Variants in SLC38A6 observed in about 807,000 individuals in gnomAD.
SLC38A6 encodes the protein solute carrier family 38 member 6, also known as N system amino acid transporter NAT-1.
Under a neutral mutation model 65.0 loss-of-function variants are expected in SLC38A6, and 73 were observed. That is an observed-to-expected ratio of 1.12 (90% CI 0.93 to 1.37). SLC38A6 has a LOEUF of 1.37. Among genes scored for constraint, SLC38A6 ranks in the 40% most tolerant of loss-of-function variants. SLC38A6 has a pLI of 0.00. For synonymous variants in SLC38A6, 183 were observed against 178.8 expected (o/e 1.02, Z -0.19); for missense variants, 561 against 531.1 (o/e 1.06, Z -0.55).
At chr14:61,017,627 T>C (rs2040099174) in intron 4 of SLC38A6, among the ~76,000 whole-genome samples, 1 of 152,236 alleles carries the variant, frequency 6.6e-6, no homozygotes, top group Admixed American at 6.5e-5. Flanking sequence ...ACTCTAAGTA[T>C]CAACACTGAC....
chr14:61,062,623 T>G (rs2042890065), intron 15 of SLC38A6, among the ~76,000 whole-genome samples: 1 of 152,088 alleles, frequency 6.6e-6, no homozygotes, highest in African/African-American at 2.4e-5. Flanking sequence ...CACCATTTGT[T>G]AATTGTTTTC....
chr14:60,995,793 G>T (rs575370349), intron 3 of SLC38A6, among the ~76,000 whole-genome samples: 1 of 152,138 alleles, frequency 6.6e-6, no homozygotes, highest in South Asian at 2.1e-4. Context: ...GCTACATACT[G>T]TATGATTCCA....
chr14:61,060,994 C>T (rs987315246), intron 15 of SLC38A6, among the ~76,000 whole-genome samples: 6 of 151,554 alleles, frequency 4.0e-5, no homozygotes, highest in African/African-American at 1.2e-4. Context: ...GCACGGTGCG[C>T]GCACACACTG....
intron 15 of SLC38A6, among the ~76,000 whole-genome samples, chr14:61,062,665 T>C (rs1020356660): frequency 6.6e-6 from 1 of 152,018 alleles, no homozygotes; most frequent in Non-Finnish European, 1.5e-5. Flanking sequence ...TCTTTTTAGA[T>C]TTTATATTTC....
intron 15 of SLC38A6, among the ~76,000 whole-genome samples, chr14:61,070,301 G>A (rs1005603894): frequency 6.6e-6 from 1 of 152,196 alleles, no homozygotes; most frequent in Non-Finnish European, 1.5e-5. Context: ...AAGGAATCAT[G>A]TAGTATTTTG....
chr14:61,047,877 T>A (rs552001626), intron 12 of SLC38A6, among the ~76,000 whole-genome samples: 1 of 151,848 alleles, frequency 6.6e-6, no homozygotes, highest in Non-Finnish European at 1.5e-5. Context: ...TCTAAGAAAA[T>A]CACATGGTAG....
chr14:60,997,802 G>T (rs2038401059), intron 3 of SLC38A6, among the ~76,000 whole-genome samples: 1 of 152,162 alleles, frequency 6.6e-6, no homozygotes, highest in African/African-American at 2.4e-5. Context: ...TATCTCCCAG[G>T]TTTCCGGCTT....
At position 61,037,627 on chromosome 14, in the gene SLC38A6, T is replaced by A; in HGVS notation, c.568T>A (p.Phe190Ile). ...TTTATTTTACTGTTATTTTACAGGC[T>A]TTCTTGGCTACACAAGTAGTTTATC... Reference protein sequence around the residue: ...FPLALLPKIGFLGYTSSLSFF... With the variant: ...FPLALLPKIGILGYTSSLSFF... The change falls in exon 8 of 16, where the codon TTT (phenylalanine) becomes ATT (isoleucine). Residue 190 changes from phenylalanine to isoleucine, a missense_variant and splice_region_variant. Coordinates refer to ENST00000267488, the MANE Select transcript of SLC38A6 (RefSeq NM_153811.3). 1 of 1,589,570 alleles carries A rather than the reference T, an allele frequency of 6.3e-7. No homozygotes were observed. Among genetic ancestry groups the A allele is most frequent in the Admixed American group, 1.7e-5 (1 of 57,666 alleles).
At chr14:61,003,444 CT>C (rs1025580365) in intron 3 of SLC38A6, among the ~76,000 whole-genome samples, 5 of 152,120 alleles carry the variant, frequency 3.3e-5, no homozygotes, top group African/African-American at 9.7e-5. Flanking sequence ...ACAATACCCC[CT>C]GAGTATCTTT....
intron 10 of SLC38A6, among the ~76,000 whole-genome samples, chr14:61,043,755 C>G (rs1219132000): frequency 6.8e-6 from 1 of 146,482 alleles, no homozygotes; most frequent in African/African-American, 2.6e-5. Flanking sequence ...TTAAATGGGC[C>G]TCTGCCTGAA....
intron 3 of SLC38A6, among the ~76,000 whole-genome samples, chr14:61,007,221 C>T (rs1225127666): frequency 1.3e-5 from 2 of 151,944 alleles, no homozygotes; most frequent in East Asian, 3.9e-4. Flanking sequence ...ATACCTAATG[C>T]TAAATGACGA....
intron 6 of SLC38A6, 101 bp from the exon 7 acceptor site, chr14:61,036,958 C>CTG (rs1370806635): frequency 5.8e-5 from 22 of 378,002 alleles, no homozygotes; most frequent in African/African-American, 3.6e-4. Flanking sequence ...ATGGTTATAA[C>CTG]TCTGTGTGTG....
intron 8 of SLC38A6, among the ~76,000 whole-genome samples, chr14:61,040,687 G>A (rs544892307): frequency 6.6e-6 from 1 of 152,078 alleles, no homozygotes; most frequent in South Asian, 2.1e-4. Context: ...CCATTATGTT[G>A]CCCAGGCTAG....
At chr14:61,081,786 AT>A (rs948824731) in intron 16 of SLC38A6, among the ~76,000 whole-genome samples, 67 of 152,316 alleles carry the variant, frequency 4.4e-4, no homozygotes, top group African/African-American at 1.6e-3. Context: ...GGAAGGCTTT[AT>A]TATTTCTCTT....
At chr14:60,981,690 T>C (rs1431027328) in intron 1 of SLC38A6, 2 of 1,361,478 alleles carry the variant, frequency 1.5e-6, no homozygotes, top group Non-Finnish European at 1.9e-6. Flanking sequence ...TCACTGCTGT[T>C]AGTTAGTATT....
At chr14:61,024,265 A>G (rs2040495802) in intron 5 of SLC38A6, among the ~76,000 whole-genome samples, 1 of 152,236 alleles carries the variant, frequency 6.6e-6, no homozygotes. Context: ...TAACACTCTT[A>G]TTCTAAGGTT....
At chr14:61,037,187 G>A in intron 7 of SLC38A6, 46 bp downstream of exon 7, 1 of 1,382,102 alleles carries the variant, frequency 7.2e-7, no homozygotes, top group Non-Finnish European at 9.9e-7. Flanking sequence ...AAGGAAAGAA[G>A]GGAGGGAGGG....
intron 3 of SLC38A6, among the ~76,000 whole-genome samples, chr14:61,014,116 C>T (rs1035854624): frequency 2.8e-4 from 43 of 152,274 alleles, no homozygotes; most frequent in African/African-American, 6.7e-4. Flanking sequence ...CTTCTCTTCT[C>T]GCTTCATTTC....
At chr14:61,074,178 A>G (rs1015315791) in intron 15 of SLC38A6, among the ~76,000 whole-genome samples, 5 of 152,234 alleles carry the variant, frequency 3.3e-5, no homozygotes, top group Middle Eastern at 3.2e-3. Context: ...TGACCCCCAC[A>G]TTGTTCAAAG....
Sources: allele counts gnomAD v4.1 joint callset (sites outside exome capture counted in the v4.1 genomes callset), GRCh38; gene constraint gnomAD v4.1.1; transcripts MANE v1.5; gene names NCBI Gene and HGNC (gene_info 2026-07-23, HGNC 2026-07-21).